The following DIS3L2 variants were observed in gnomAD, a reference collection of about 807,000 sequenced individuals.
The protein encoded by DIS3L2 is DIS3-like exonuclease 2.
In DIS3L2, 34 loss-of-function variants were observed where a neutral mutation model predicts 97.5. The observed-to-expected ratio is 0.35, with a 90% CI of 0.27 to 0.46. DIS3L2 has a LOEUF of 0.46. DIS3L2 is among the 20% of genes least tolerant of loss of function. The pLI, the probability that DIS3L2 is intolerant of heterozygous loss-of-function variation, is 1.00. For missense variants in DIS3L2, 1,038 were observed against 1,146.0 expected (o/e 0.91, Z 1.36); for synonymous variants, 435 against 445.2 (o/e 0.98, Z 0.29).
intron 14 of DIS3L2, among the ~76,000 whole-genome samples, chr2:232,303,920 A>G (rs1414729275): frequency 6.6e-6 from 1 of 152,120 alleles, no homozygotes; most frequent in Non-Finnish European, 1.5e-5. Flanking sequence ...TCCATTTCTC[A>G]TGGGACTTGG....
Position 232,114,184 on chromosome 2 carries a change from GTAA to G in DIS3L2, c.602-16428_602-16426del, listed in dbSNP as rs1323060871. On this transcript the variant is annotated intron_variant, in intron 6 of 20. Transcript: ENST00000325385. ...TGAATGCTCAGGGAGACTGATTTGA[GTAA>G]TAATAAGACTCCCGTCCCTCCCATT... Among the ~76,000 whole-genome samples, 13 of 152,174 alleles carry G rather than the reference GTAA, an allele frequency of 8.5e-5. No homozygotes were observed. In the East Asian group the frequency reaches 2.1e-3, roughly 25 times the overall value.
At chr2:232,336,192 C>T (rs1353402537) in intron 20 of DIS3L2, 2 of 1,533,844 alleles carry the variant, frequency 1.3e-6, no homozygotes, top group Non-Finnish European at 1.8e-6. Context: ...AAGAAATTGT[C>T]TGGAACCGTT....
At chr2:232,128,861 T>C (rs1455593078) in intron 6 of DIS3L2, among the ~76,000 whole-genome samples, 1 of 152,204 alleles carries the variant, frequency 6.6e-6, no homozygotes, top group Non-Finnish European at 1.5e-5. Context: ...TTGACTGTTA[T>C]CTGTGATTCT....
At position 232,072,783 on chromosome 2, in the gene DIS3L2, G is replaced by GGTGGGT. The variant is rs1553604921; in HGVS notation, c.367-14701_367-14700insGGTGTG. The stretch of plus-strand genomic sequence containing the variant: ...AGATCAGCTGACAGTTGGGATGTGG[G>GGTGGGT]GTGTGTGTGTGTGTGTGTGTGTGTG... On this transcript the variant is annotated intron_variant, in intron 5 of 20. Coordinates refer to ENST00000325385, the MANE Select transcript of DIS3L2 (RefSeq NM_152383.5). 2.1e-5 allele frequency among the ~76,000 whole-genome samples: 3 copies of GGTGGGT among 139,906 alleles called. No homozygotes were observed. In the East Asian group the frequency reaches 6.8e-4, roughly 32 times the overall value. 91.8% of individuals were successfully genotyped at this position (139,906 alleles called of 152,430 possible). A position where few individuals can be genotyped will look rare whatever the true frequency, so the allele number is the denominator to read the frequency against.
chr2:231,997,577 A>G (rs1356760792), intron 1 of DIS3L2, among the ~76,000 whole-genome samples: 1 of 152,232 alleles, frequency 6.6e-6, no homozygotes, highest in East Asian at 1.9e-4. Context: ...CAAAATTGTC[A>G]GTTGTTGGGA....
At chr2:232,342,872 G>A (rs1696143436) in intron 13 of DIS3L2, among the ~76,000 whole-genome samples, 1 of 152,208 alleles carries the variant, frequency 6.6e-6, no homozygotes, top group African/African-American at 2.4e-5. Flanking sequence ...ACCTGGGGAA[G>A]GGCTGCACGG....
At position 232,030,034 on chromosome 2, in the gene DIS3L2, A is replaced by G. The variant is rs767829247; in HGVS notation, c.320A>G (p.Asn107Ser). 3.7e-6 allele frequency: 6 copies of G among 1,610,576 alleles called. No individual in the cohort carries two copies. The African/African-American group carries it at 6.7e-5, about 18-fold the overall frequency. The change falls in exon 5 of 21, where the codon AAT becomes AGT. Residue 107 changes from asparagine to serine, a missense_variant. Asn to Ser is a conservative substitution (Grantham distance 46). Transcript: ENST00000325385. ...DGVVARNRAL[N>S]GDLVVVKLLP... ...GTTGTTGCTCGTAATAGAGCCTTAA[A>G]TGGGGATCTGGTGGTCGTGAAACTG...
At chr2:232,314,763 A>G (rs563087926) in intron 14 of DIS3L2, among the ~76,000 whole-genome samples, 1 of 152,286 alleles carries the variant, frequency 6.6e-6, no homozygotes, top group African/African-American at 2.4e-5. Flanking sequence ...AGCTCCCTCC[A>G]TTCTGGGGAG....
chr2:232,202,264 G>A (rs967518343), intron 9 of DIS3L2, among the ~76,000 whole-genome samples: 6 of 152,180 alleles, frequency 3.9e-5, no homozygotes, highest in African/African-American at 1.4e-4. Context: ...TGAGTGTGGT[G>A]GCACGCACCT....
At chr2:232,221,995 T>C (rs1330668182) in intron 10 of DIS3L2, among the ~76,000 whole-genome samples, 1 of 150,986 alleles carries the variant, frequency 6.6e-6, no homozygotes, top group African/African-American at 2.4e-5. Context: ...CAGGCTGGAG[T>C]GTGGTGGTGT....
At chr2:232,244,399 C>G (rs570929659) in intron 11 of DIS3L2, among the ~76,000 whole-genome samples, 4 of 152,214 alleles carry the variant, frequency 2.6e-5, no homozygotes, top group African/African-American at 9.6e-5. Context: ...TGGGACAGAG[C>G]GCTGCTCTTA....
chr2:232,057,076 C>G (rs1695565960), intron 5 of DIS3L2, among the ~76,000 whole-genome samples: 1 of 152,070 alleles, frequency 6.6e-6, no homozygotes, highest in Non-Finnish European at 1.5e-5. Context: ...TACTGTACAG[C>G]AGAGAGAATG....
intron 5 of DIS3L2, among the ~76,000 whole-genome samples, chr2:232,043,922 C>G (rs911001148): frequency 6.6e-6 from 1 of 151,972 alleles, no homozygotes; most frequent in Admixed American, 6.5e-5. Context: ...TCTTATAGAA[C>G]TAGTAATGAT....
In DIS3L2 at chr2:232,329,952, C is replaced by A. The variant is rs890132999; in HGVS notation, c.1879C>A (p.Gln627Lys). ...MLSDLVEFCD[Q>K]MGLPVDFSSA... The stretch of plus-strand genomic sequence containing the variant: ...CAGTGACCTGGTGGAATTCTGCGAC[C>A]AGATGGGGCTGCCCGTGGACTTCAG... The change falls in exon 15 of 21, where the codon CAG becomes AAG. Residue 627 changes from glutamine to lysine, a missense_variant. This residue lies in a region of DIS3L2 where 813 missense variants were observed against 880.1 expected (regional missense o/e 0.92). Coordinates refer to ENST00000325385, the MANE Select transcript of DIS3L2 (RefSeq NM_152383.5). 1.9e-6 allele frequency: 3 copies of A among 1,612,998 alleles called. No homozygotes were observed. The highest frequency in any genetic ancestry group is 2.5e-6 in the Non-Finnish European group (3 of 1,179,766).
At position 232,302,364 on chromosome 2, in the gene DIS3L2, T is replaced by G. The variant is rs914665462; in HGVS notation, c.1739+2245T>G. On this transcript the variant is annotated intron_variant, in intron 14 of 20. Coordinates refer to ENST00000325385, the MANE Select transcript of DIS3L2 (RefSeq NM_152383.5). ...AACAAACCTGCATGTTGTGCACATG[T>G]ACCCTAGAACTTAAAGTATAATAAT... is the stretch of plus-strand genomic sequence containing the variant. Among the ~76,000 whole-genome samples, 3 of 151,630 alleles carry G rather than the reference T, an allele frequency of 2.0e-5. No individual in the cohort carries two copies. In the South Asian group the frequency reaches 6.2e-4, roughly 32 times the overall value.
At chr2:232,234,831 G>A (rs1692889560) in intron 10 of DIS3L2, among the ~76,000 whole-genome samples, 2 of 152,164 alleles carry the variant, frequency 1.3e-5, no homozygotes, top group Admixed American at 1.3e-4. Context: ...TGTCTAGTGC[G>A]GGCATAAACT....
At position 232,062,013 on chromosome 2, in the gene DIS3L2, T is replaced by C. The variant is rs147722596; in HGVS notation, c.367-25474T>C. On this transcript the variant is annotated intron_variant, in intron 5 of 20. Coordinates refer to ENST00000325385, the MANE Select transcript of DIS3L2 (RefSeq NM_152383.5). ...AGAAAACAACTTCTTTAGACAGATA[T>C]ATTTTTTTAAAATTAGGTCATTACT... Among the ~76,000 whole-genome samples the C allele has an allele frequency of 1.4e-3, 210 of 152,244 alleles. 2 individuals carry two copies. Among genetic ancestry groups the C allele is most frequent in the Middle Eastern group, 0.01 (3 of 294 alleles).
At chr2:232,343,164 CTG>C (rs1696151289) in intron 13 of DIS3L2, 1 of 640,874 alleles carries the variant, frequency 1.6e-6, no homozygotes, top group Non-Finnish European at 2.8e-6. Flanking sequence ...TCAAAGCAGA[CTG>C]TTGACTAGCT....
chr2:232,095,071 G>A (rs796181427), intron 6 of DIS3L2, among the ~76,000 whole-genome samples: 8 of 152,244 alleles, frequency 5.3e-5, no homozygotes, highest in African/African-American at 1.9e-4. Flanking sequence ...TTTCTGGTAG[G>A]CAGCAGATCA....
Sources: allele counts gnomAD v4.1 joint callset (sites outside exome capture counted in the v4.1 genomes callset), GRCh38; gene constraint gnomAD v4.1.1; regional missense constraint gnomAD v4.1.1; transcripts MANE v1.5; gene names NCBI Gene and HGNC (gene_info 2026-07-23, HGNC 2026-07-21).